COQ10A: variants seen among roughly 807,000 people sequenced by gnomAD.
COQ10A encodes coenzyme Q10A.
A neutral mutation model predicts 26.1 loss-of-function variants in COQ10A; 25 were observed. That is an observed-to-expected ratio of 0.96 (90% confidence interval 0.70 to 1.34). The LOEUF (loss-of-function observed/expected upper bound fraction) is 1.34. Ranked by LOEUF, COQ10A falls within the 40% of genes most tolerant of loss-of-function variation. The pLI is 0.00. For missense variants in COQ10A, 312 were observed against 335.4 expected, an observed-to-expected ratio of 0.93 and a Z score of 0.54; for synonymous variants, 132 against 124.0, an observed-to-expected ratio of 1.06 and a Z score of -0.43.
At chr12:56,267,765 C>T (rs749154531) in intron 1 of COQ10A, 29 bp from the exon 2 acceptor site, 4 of 1,613,880 alleles carry the variant, frequency 2.5e-6, no homozygotes, top group Non-Finnish European at 8.5e-7. Flanking sequence ...AAGAACTATA[C>T]GGTTGGCTCC....
chr12:56,270,415 G>A lies in COQ10A; in HGVS notation c.*98G>A. On this transcript the variant is annotated 3_prime_UTR_variant, in exon 5 of 5. Coordinates refer to ENST00000308197, the MANE Select transcript of COQ10A (RefSeq NM_144576.4). ...TCCTGTTCCAATTTGAAAGGAGTCT[G>A]TGTTCATAATACTGTTTCTCCTCTC... 1.6e-6 allele frequency: 2 copies of A among 1,268,802 alleles called. No homozygotes were observed. Among genetic ancestry groups the A allele is most frequent in the Admixed American group, 2.1e-5 (1 of 46,894 alleles). The allele number at this position is 1,268,802 out of a possible 1,614,324, so 78.6% of individuals were successfully genotyped here.
chr12:56,267,717 TC>T, intron 1 of COQ10A, 76 bp from the exon 2 acceptor site: 1 of 1,595,092 alleles, frequency 6.3e-7, no homozygotes, highest in East Asian at 2.2e-5. Context: ...TGGGATGCAC[TC>T]TTCTTCTCCT....
In COQ10A at chr12:56,270,216, A is replaced by G; in HGVS notation, c.643A>G (p.Lys215Glu). The change falls in exon 5 of 5, where the codon AAA becomes GAA. Residue 215 changes from lysine to glutamate, a missense_variant. Lys to Glu is a moderately conservative substitution (Grantham distance 56). Coordinates refer to ENST00000308197, the MANE Select transcript of COQ10A (RefSeq NM_144576.4). ...CACCATGTTTTTTGATGAGGTTGTCAAACAGAATGTTGCTGCCTTTGAGCG... is the reference window on the plus strand; with the variant it reads ...CACCATGTTTTTTGATGAGGTTGTCGAACAGAATGTTGCTGCCTTTGAGCG... Reference protein sequence around the residue: ...LATMFFDEVVKQNVAAFERRA... With the variant: ...LATMFFDEVVEQNVAAFERRA... 1 of 1,614,168 alleles carries G rather than the reference A, an allele frequency of 6.2e-7. No homozygotes were observed. The highest frequency in any genetic ancestry group is 8.5e-7 in the Non-Finnish European group (1 of 1,180,012).
At position 56,270,821 on chromosome 12, in the gene COQ10A, T is replaced by G. The variant is rs1422840881; in HGVS notation, c.*504T>G. Reference sequence around the variant, plus strand: ...CTGTAAGTCCATGCTGCCTGGCTACTAGAGAGCAAGGGGCTTTCTTACCAC... The same window carrying G: ...CTGTAAGTCCATGCTGCCTGGCTACGAGAGAGCAAGGGGCTTTCTTACCAC... On this transcript the variant is annotated 3_prime_UTR_variant, in exon 5 of 5. Coordinates refer to ENST00000308197, the MANE Select transcript of COQ10A (RefSeq NM_144576.4). 1.3e-5 allele frequency: 2 copies of G among 152,424 alleles called. No homozygotes were observed. Among genetic ancestry groups the G allele is most frequent in the African/African-American group, 4.8e-5 (2 of 41,458 alleles). 9.4% of individuals were successfully genotyped at this position (152,424 alleles called of 1,614,324 possible). A position where few individuals can be genotyped will look rare whatever the true frequency, so the allele number is the denominator to read the frequency against.
Position 56,266,959 on chromosome 12 carries a change from C to A in COQ10A, c.-160C>A. The A allele has an allele frequency of 1.5e-6, 1 of 676,694 alleles. No individual in the cohort carries two copies. Among genetic ancestry groups the A allele is most frequent in the Non-Finnish European group, 2.0e-6 (1 of 494,402 alleles). 41.9% of individuals were successfully genotyped at this position (676,694 alleles called of 1,614,324 possible). On this transcript the variant is annotated 5_prime_UTR_variant, in exon 1 of 5. Transcript: ENST00000308197. The stretch of plus-strand genomic sequence containing the variant: ...CCGGCTTCAGTTCTAGCCTACCCGG[C>A]AGCCTGGACGGGAGCAAGGCGAGAG...
chr12:56,269,976 T>A lies in COQ10A; in HGVS notation c.577-174T>A, dbSNP rs571974910. 4.5e-6 allele frequency: 3 copies of A among 659,676 alleles called. No individual in the cohort carries two copies. In the South Asian group the frequency reaches 5.5e-5, roughly 12 times the overall value. 40.9% of individuals were successfully genotyped at this position (659,676 alleles called of 1,614,324 possible). A position where few individuals can be genotyped will look rare whatever the true frequency, so the allele number is the denominator to read the frequency against. On this transcript the variant is annotated intron_variant, in intron 4 of 4. Transcript: ENST00000308197. ...CTAGCATTTCCCAAGTCAGTTAGTC[T>A]GAGCTTGTGTCAGACTCGTACTCCG...
In COQ10A at chr12:56,267,067, G is replaced by T; in HGVS notation, c.-52G>T. 8.0e-7 allele frequency: 1 copy of T among 1,252,322 alleles called. No homozygotes were observed. 77.6% of individuals were successfully genotyped at this position (1,252,322 alleles called of 1,614,324 possible). A position where few individuals can be genotyped will look rare whatever the true frequency, so the allele number is the denominator to read the frequency against. The stretch of plus-strand genomic sequence containing the variant: ...CCTCTTGCCGCTCCGCCTTTGGAGT[G>T]AGGAGGGCGCAGCCCGCGTCAGAAC... On this transcript the variant is annotated 5_prime_UTR_variant, in exon 1 of 5. Coordinates refer to ENST00000308197, the MANE Select transcript of COQ10A (RefSeq NM_144576.4).
Position 56,269,143 on chromosome 12 carries a change from G to A in COQ10A, c.366G>A (p.Val122=), listed in dbSNP as rs1872431941. ...EFVPWCKKSL[V]VSSRKGHLKA... ...TGCCCTGGTGTAAGAAGTCTCTGGTGGTATCCAGCCGTAAGGGTCATTTGA... is the reference window on the plus strand; with the variant it reads ...TGCCCTGGTGTAAGAAGTCTCTGGTAGTATCCAGCCGTAAGGGTCATTTGA... The change falls in exon 3 of 5, where the codon GTG becomes GTA. Residue 122 remains valine (V), a synonymous_variant. Transcript: ENST00000308197. 6.2e-7 allele frequency: 1 copy of A among 1,614,066 alleles called. No individual in the cohort carries two copies. Among genetic ancestry groups the A allele is most frequent in the African/African-American group, 1.3e-5 (1 of 75,024 alleles).
chr12:56,269,948 T>C, intron 4 of COQ10A: 1 of 605,082 alleles, frequency 1.7e-6, no homozygotes. Context: ...TCTTTAAGTA[T>C]AGCTAGCATT....
Position 56,270,306 on chromosome 12 carries a change from C to T in COQ10A, c.733C>T (p.His245Tyr). ...CCGTGAACTGATGTTCCATGAGGTG[C>T]ACCAGACTTGAGGCAAGGGATTGCT... ...IPRELMFHEV[H>Y]QT Residue 245 changes from histidine (H) to tyrosine (Y), a missense_variant, in exon 5 of 5, where the codon CAC (histidine) becomes TAC (tyrosine). His to Tyr is a moderately conservative substitution (Grantham distance 83, BLOSUM62 2). Transcript: ENST00000308197. 2 of 1,613,842 alleles carry T rather than the reference C, an allele frequency of 1.2e-6. No individual in the cohort carries two copies. Among genetic ancestry groups the T allele is most frequent in the South Asian group, 2.2e-5 (2 of 91,058 alleles).
intron 4 of COQ10A, chr12:56,269,939 C>CT (rs775237571): frequency 7.7e-5 from 46 of 595,812 alleles, no homozygotes; most frequent in Non-Finnish European, 1.2e-4. Flanking sequence ...CAGGGTTATT[C>CT]TTTAAGTATA....
At chr12:56,268,018 A>G (rs1279314394) in intron 2 of COQ10A, 78 bp downstream of exon 2, 3 of 1,556,500 alleles carry the variant, frequency 1.9e-6, no homozygotes, top group Non-Finnish European at 2.6e-6. Flanking sequence ...ATGTCAGGGT[A>G]TCATCGGTGG....
chr12:56,270,656 T>G lies in COQ10A; in HGVS notation c.*339T>G, dbSNP rs1426397464. The stretch of plus-strand genomic sequence containing the variant: ...TGTCTGACCAGGGGACGATAGTAAC[T>G]TTTCTAAGGATTGAATAAATTGAGC... On this transcript the variant is annotated 3_prime_UTR_variant, in exon 5 of 5. Coordinates refer to ENST00000308197, the MANE Select transcript of COQ10A (RefSeq NM_144576.4). The G allele has an allele frequency of 1.6e-5, 3 of 186,546 alleles. No homozygotes were observed. Among genetic ancestry groups the G allele is most frequent in the Admixed American group, 6.1e-5 (1 of 16,452 alleles). The allele number at this position is 186,546 out of a possible 1,614,324, so 11.6% of individuals were successfully genotyped here. A position where few individuals can be genotyped will look rare whatever the true frequency, so the allele number is the denominator to read the frequency against.
Position 56,267,080 on chromosome 12 carries a change from C to T in COQ10A, c.-39C>T. On this transcript the variant is annotated 5_prime_UTR_variant, in exon 1 of 5. Transcript: ENST00000308197. Reference sequence around the variant, plus strand: ...CGCCTTTGGAGTGAGGAGGGCGCAGCCCGCGTCAGAACTTAGAGGGCCAGG... The same window carrying T: ...CGCCTTTGGAGTGAGGAGGGCGCAGTCCGCGTCAGAACTTAGAGGGCCAGG... 7.9e-7 allele frequency: 1 copy of T among 1,262,390 alleles called. No homozygotes were observed. Among genetic ancestry groups the T allele is most frequent in the Non-Finnish European group, 9.9e-7 (1 of 1,005,670 alleles). The allele number at this position is 1,262,390 out of a possible 1,614,324, so 78.2% of individuals were successfully genotyped here.
Position 56,267,866 on chromosome 12 carries a change from G to C in COQ10A, c.207G>C (p.Ser69=), listed in dbSNP as rs756220286. The C allele has an allele frequency of 1.1e-5, 17 of 1,614,018 alleles. No individual in the cohort carries two copies. Among genetic ancestry groups the C allele is most frequent in the Admixed American group, 3.3e-5 (2 of 59,998 alleles). The change falls in exon 2 of 5, where the codon TCG becomes TCC. Residue 69 remains serine, a synonymous_variant. Coordinates refer to ENST00000308197, the MANE Select transcript of COQ10A (RefSeq NM_144576.4). ...QILAAEAGLP[S]SRSFMGFAAP... ...TGGCGGCTGAGGCTGGCTTACCTTCGAGCCGTTCCTTCATGGGATTTGCTG... is the reference window on the plus strand; with the variant it reads ...TGGCGGCTGAGGCTGGCTTACCTTCCAGCCGTTCCTTCATGGGATTTGCTG...
rs1200671296 is a variant in COQ10A, at chr12:56,270,271, C to T, written c.698C>T (p.Thr233Ile). 4 of 1,614,056 alleles carry T rather than the reference C, an allele frequency of 2.5e-6. No individual in the cohort carries two copies. Among genetic ancestry groups the T allele is most frequent in the Non-Finnish European group, 3.4e-6 (4 of 1,180,036 alleles). Residue 233 changes from threonine to isoleucine, a missense_variant, in exon 5 of 5, where the codon ACA becomes ATA. Physicochemically the swap from Thr to Ile is moderately conservative, Grantham distance 89. Coordinates refer to ENST00000308197, the MANE Select transcript of COQ10A (RefSeq NM_144576.4). ...RRAATKFGPETAIPRELMFHE... is the reference protein window; with the variant it reads ...RRAATKFGPEIAIPRELMFHE... ...GCAGCCACCAAGTTTGGTCCAGAAA[C>T]AGCCATCCCCCGTGAACTGATGTTC... is the stretch of plus-strand genomic sequence containing the variant.
chr12:56,270,095 C>T (rs1458461582), intron 4 of COQ10A, 55 bp from the exon 5 acceptor site: 2 of 1,551,756 alleles, frequency 1.3e-6, no homozygotes, highest in Non-Finnish European at 1.8e-6. Context: ...TGCATTTGGC[C>T]AGGGACTATC....
In COQ10A at chr12:56,267,222, C is replaced by G. The variant is rs1323531370; in HGVS notation, c.104C>G (p.Pro35Arg). The G allele has an allele frequency of 2.0e-6, 3 of 1,473,478 alleles. No individual in the cohort carries two copies. Among genetic ancestry groups the G allele is most frequent in the Non-Finnish European group, 2.7e-6 (3 of 1,115,264 alleles). The allele number at this position is 1,473,478 out of a possible 1,614,324, so 91.3% of individuals were successfully genotyped here. ...CCGGGCGCGCAACCGGCCCCGCCCCCAGGCCCTCTGCCACCGCCGCGACCA... is the reference window on the plus strand; with the variant it reads ...CCGGGCGCGCAACCGGCCCCGCCCCGAGGCCCTCTGCCACCGCCGCGACCA... ...LSPGAQPAPP[P>R]GPLPPPRPMR... The change falls in exon 1 of 5, where the codon CCA becomes CGA. Residue 35 changes from proline to arginine, a missense_variant. By Grantham distance (103) the Pro-to-Arg change is moderately radical. Transcript: ENST00000308197.
chr12:56,268,006 G>T, intron 2 of COQ10A, 66 bp downstream of exon 2: 2 of 1,582,838 alleles, frequency 1.3e-6, no homozygotes, highest in Non-Finnish European at 8.6e-7. Flanking sequence ...GTCCAGGCAA[G>T]AATGTCAGGG....
Sources: allele counts gnomAD v4.1 joint callset, GRCh38; gene constraint gnomAD v4.1.1; transcripts MANE v1.5; gene names NCBI Gene and HGNC (gene_info 2026-07-23, HGNC 2026-07-21).